The following SMARCA2 variants were observed in gnomAD, a reference collection of about 807,000 sequenced individuals.
SMARCA2 encodes SWI/SNF related BAF chromatin remodeling complex subunit ATPase 2.
A neutral mutation model predicts 199.8 loss-of-function variants in SMARCA2; 61 were observed. The observed-to-expected ratio is 0.31, with a 90% CI of 0.25 to 0.38. SMARCA2 has a LOEUF of 0.38. Ranked by LOEUF, SMARCA2 falls within the 10% of genes least tolerant of loss-of-function variation. The probability of loss-of-function intolerance (pLI) is 1.00; values close to 1 mark genes in which losing one functional copy is unlikely to be tolerated. For missense variants in SMARCA2, 1,344 were observed against 2,012.2 expected (o/e 0.67, Z 6.35); for synonymous variants, 935 against 732.0 (o/e 1.28, Z -4.48).
At chr9:2,108,791 A>G (rs1184587611) in intron 23 of SMARCA2, among the ~76,000 whole-genome samples, 1 of 152,260 alleles carries the variant, frequency 6.6e-6, no homozygotes, top group African/African-American at 2.4e-5. Flanking sequence ...AAAAGAAAAA[A>G]GAGCCCCACA....
intron 27 of SMARCA2, chr9:2,159,110 C>T (rs1285650016): frequency 8.9e-7 from 1 of 1,125,732 alleles, no homozygotes; most frequent in East Asian, 2.7e-5. Flanking sequence ...TTCTTAGCTA[C>T]TCACAGATTT....
rs1827995917 is a variant in SMARCA2 at position 2,192,956 on chromosome 9, T to TTA, written c.*217_*218insTA. ...GTAACATATTGTGACCAAATGGGCC[T>TTA]CAAAGATTCAGATTGAAACAAACAA... On this transcript the variant is annotated 3_prime_UTR_variant, in exon 34 of 34. Transcript: ENST00000349721. 2 of 500,692 alleles carry TTA rather than the reference T, an allele frequency of 4.0e-6. No homozygotes were observed. The highest frequency in any genetic ancestry group is 3.8e-5 in the Admixed American group (1 of 26,316). The allele number at this position is 500,692 out of a possible 1,614,324, so 31.0% of individuals were successfully genotyped here. A position where few individuals can be genotyped will look rare whatever the true frequency, so the allele number is the denominator to read the frequency against.
intron 27 of SMARCA2, among the ~76,000 whole-genome samples, chr9:2,129,053 T>C (rs1942898613): frequency 6.6e-6 from 1 of 152,186 alleles, no homozygotes; most frequent in African/African-American, 2.4e-5. Context: ...CTTGATAATT[T>C]GCTAGAACAA....
In SMARCA2 at chr9:2,056,497, T is replaced by G. The variant is rs575122563; in HGVS notation, c.1174-175T>G. Among the ~76,000 whole-genome samples the G allele has an allele frequency of 6.6e-6, 1 of 152,356 alleles. No homozygotes were observed. Among genetic ancestry groups the G allele is most frequent in the Non-Finnish European group, 1.5e-5 (1 of 68,030 alleles). The stretch of plus-strand genomic sequence containing the variant: ...AATCTTGTACCGTTCTTGAAAATAT[T>G]GCATACATTTGGCATGATTTTAGTT... On this transcript the variant is annotated intron_variant, in intron 6 of 33. Transcript: ENST00000349721. This position sits in a 1 kb window ranked among gnomAD's most constrained non-coding sequence, Gnocchi z 4.0.
At chr9:2,081,151 G>A (rs540284966) in intron 14 of SMARCA2, among the ~76,000 whole-genome samples, 47 of 152,250 alleles carry the variant, frequency 3.1e-4, no homozygotes, top group Admixed American at 3.1e-3. Context: ...GGGGGATGGA[G>A]GTTTAACAAT....
chr9:2,145,940 C>T (rs1411608966), intron 27 of SMARCA2, among the ~76,000 whole-genome samples: 1 of 152,200 alleles, frequency 6.6e-6, no homozygotes, highest in Non-Finnish European at 1.5e-5. Context: ...AAAGACATCC[C>T]AGGCGAGAAG....
At chr9:2,158,915 G>C in intron 27 of SMARCA2, 1 of 1,609,348 alleles carries the variant, frequency 6.2e-7, no homozygotes, top group South Asian at 1.1e-5. Context: ...TCTTTGGGGA[G>C]GAGGGAAGAT....
At position 2,056,987 on chromosome 9, in the gene SMARCA2, A is replaced by T. The variant is rs1009459756; in HGVS notation, c.1347+142A>T. 5 of 697,686 alleles carry T rather than the reference A, an allele frequency of 7.2e-6. No individual in the cohort carries two copies. Among genetic ancestry groups the T allele is most frequent in the Non-Finnish European group, 9.5e-6 (4 of 422,772 alleles). 43.2% of individuals were successfully genotyped at this position (697,686 alleles called of 1,614,324 possible). ...AACAGAACGGTTCCTTGACATGTACATAATCCAACCACATCATTTTATAGA... is the reference window on the plus strand; with the variant it reads ...AACAGAACGGTTCCTTGACATGTACTTAATCCAACCACATCATTTTATAGA... On this transcript the variant is annotated intron_variant, in intron 7 of 33. Coordinates refer to ENST00000349721, the MANE Select transcript of SMARCA2 (RefSeq NM_003070.5). This position sits in a 1 kb window ranked among gnomAD's most constrained non-coding sequence, Gnocchi z 4.0.
chr9:2,084,245 G>C (rs1821698178), intron 17 of SMARCA2, 49 bp downstream of exon 17: 6 of 962,288 alleles, frequency 6.2e-6, no homozygotes, highest in Non-Finnish European at 9.8e-6. Context: ...CATTGCACTG[G>C]AATGTGAAGT....
intron 5 of SMARCA2, among the ~76,000 whole-genome samples, chr9:2,053,657 C>T (rs1425751489): frequency 2.6e-5 from 4 of 152,126 alleles, no homozygotes; most frequent in Admixed American, 6.5e-5. Flanking sequence ...TATTATTATT[C>T]TTTCTTTGTT....
intron 9 of SMARCA2, among the ~76,000 whole-genome samples, chr9:2,067,774 T>A (rs551475022): frequency 5.7e-4 from 87 of 152,342 alleles, no homozygotes; most frequent in Non-Finnish European, 9.6e-4. Context: ...TCTCTCAGAT[T>A]TGATACCTAA....
chr9:2,036,938 GCAT>G (rs1463126935), intron 3 of SMARCA2, among the ~76,000 whole-genome samples: 2 of 152,124 alleles, frequency 1.3e-5, no homozygotes, highest in African/African-American at 2.4e-5. Flanking sequence ...ATTGTATTAG[GCAT>G]CTTATGATTT....
chr9:2,067,678 C>A (rs529226446), intron 9 of SMARCA2, among the ~76,000 whole-genome samples: 2 of 152,304 alleles, frequency 1.3e-5, no homozygotes, highest in East Asian at 3.9e-4. Flanking sequence ...CAGCTAAGAT[C>A]TCTTGCACTT....
At chr9:2,033,756 T>C (rs1819176013) in intron 3 of SMARCA2, among the ~76,000 whole-genome samples, 1 of 152,224 alleles carries the variant, frequency 6.6e-6, no homozygotes, top group Non-Finnish European at 1.5e-5. Context: ...CTTCCTAGTT[T>C]CTGGTGGTTG....
At chr9:2,184,131 T>C (rs1278470958) in intron 31 of SMARCA2, among the ~76,000 whole-genome samples, 2 of 152,196 alleles carry the variant, frequency 1.3e-5, no homozygotes, top group Non-Finnish European at 2.9e-5. Flanking sequence ...GACTGCTTGC[T>C]GAGGTCTAAG....
At position 2,035,845 on chromosome 9, in the gene SMARCA2, G is replaced by A. The variant is rs146460890; in HGVS notation, c.355+2764G>A. 6.2e-4 allele frequency among the ~76,000 whole-genome samples: 95 copies of A among 152,246 alleles called. No homozygotes were observed. The South Asian group carries it at 0.015, about 23-fold the overall frequency. ...ATGAGTTATTTAAGGGTATATTTTT[G>A]AATAAAGCAATATTAGTATAATGCA... On this transcript the variant is annotated intron_variant, in intron 3 of 33. Transcript: ENST00000349721.
At chr9:2,112,155 C>T (rs1029101826) in intron 24 of SMARCA2, among the ~76,000 whole-genome samples, 1 of 152,108 alleles carries the variant, frequency 6.6e-6, no homozygotes, top group Admixed American at 6.6e-5. Context: ...GTCTGTTATG[C>T]AGCAGGCAGT....
chr9:2,158,436 C>A (rs183060662), intron 27 of SMARCA2: 2 of 153,100 alleles, frequency 1.3e-5, no homozygotes, highest in East Asian at 3.8e-4. Flanking sequence ...CACTTTTTTT[C>A]CCCGACTTCC....
At chr9:2,167,906 G>C (rs551457587) in intron 28 of SMARCA2, among the ~76,000 whole-genome samples, 1 of 152,134 alleles carries the variant, frequency 6.6e-6, no homozygotes, top group Non-Finnish European at 1.5e-5. Flanking sequence ...CTGGCCTGGG[G>C]AATTCAGGGA....
Sources: gnomAD v4.1 joint callset for allele counts (sites outside exome capture counted in the v4.1 genomes callset) on GRCh38, gnomAD v4.1.1 for gene constraint, Gnocchi (gnomAD v3.1) non-coding constraint, MANE v1.5 for transcripts, NCBI Gene and HGNC (gene_info 2026-07-23, HGNC 2026-07-21) for gene names.